Variants in FAM168A observed in about 807,000 individuals in gnomAD.
The protein encoded by FAM168A is protein FAM168A.
Under a neutral mutation model 28.5 loss-of-function variants are expected in FAM168A, and 3 were observed. The ratio of observed to expected loss-of-function variants is 0.11; its 90% CI spans 0.05 to 0.27. The LOEUF (loss-of-function observed/expected upper bound fraction) is 0.27. FAM168A is among the 10% of genes least tolerant of loss of function. The probability of loss-of-function intolerance (pLI) is 1.00; values close to 1 mark genes in which losing one functional copy is unlikely to be tolerated. For synonymous variants in FAM168A, 122 were observed against 124.2 expected (o/e 0.98, Z 0.12); for missense variants, 222 against 311.5 (o/e 0.71, Z 2.16).
At chr11:73,439,247 T>G (rs1346884179) in intron 2 of FAM168A, among the ~76,000 whole-genome samples, 6 of 152,170 alleles carry the variant, frequency 3.9e-5, no homozygotes, top group Non-Finnish European at 8.8e-5. Context: ...GGGTGTGAAC[T>G]ATAATAAATG....
chr11:73,490,700 G>C (rs1404303740), intron 1 of FAM168A, among the ~76,000 whole-genome samples: 3 of 152,188 alleles, frequency 2.0e-5, no homozygotes, highest in Non-Finnish European at 2.9e-5. Context: ...CCTTCTCTGT[G>C]AGACTTTCCT....
intron 1 of FAM168A, among the ~76,000 whole-genome samples, chr11:73,492,749 C>T (rs1039030700): frequency 6.6e-6 from 1 of 152,202 alleles, no homozygotes; most frequent in South Asian, 2.1e-4. Flanking sequence ...TACGGTTTGC[C>T]CTTAGAAGCA....
At chr11:73,580,576 A>G (rs1944230936) in intron 1 of FAM168A, 1 of 519,020 alleles carries the variant, frequency 1.9e-6, no homozygotes, top group Non-Finnish European at 3.6e-6. Flanking sequence ...AGTTTGAAAT[A>G]CTATTTTTAA....
intron 1 of FAM168A, among the ~76,000 whole-genome samples, chr11:73,517,393 C>G (rs528167643): frequency 2.6e-5 from 4 of 152,218 alleles, no homozygotes; most frequent in Non-Finnish European, 4.4e-5. Flanking sequence ...ATTTCCACCC[C>G]CCTTCCCCTC....
chr11:73,564,812 A>C (rs1055323943), intron 1 of FAM168A, among the ~76,000 whole-genome samples: 1 of 151,692 alleles, frequency 6.6e-6, no homozygotes, highest in East Asian at 1.9e-4. Flanking sequence ...TTGCAGAACA[A>C]TGTGGTAAGT....
intron 1 of FAM168A, among the ~76,000 whole-genome samples, chr11:73,482,181 C>CTTTT (rs55882143): frequency 1.5e-4 from 12 of 77,548 alleles, no homozygotes; most frequent in Admixed American, 8.2e-4. Context: ...ATCCAACAGC[C>CTTTT]TTTTTTTTTT....
chr11:73,571,551 A>G (rs1944090142), intron 1 of FAM168A, among the ~76,000 whole-genome samples: 2 of 151,860 alleles, frequency 1.3e-5, no homozygotes. Context: ...CTCAGTGCTC[A>G]ATGGTGCCCA....
intron 3 of FAM168A, chr11:73,430,319 G>GTGT: frequency 3.7e-6 from 1 of 272,162 alleles, no homozygotes; most frequent in South Asian, 3.3e-5. Flanking sequence ...GGGGTGTGTG[G>GTGT]GTGTGTGTGT....
At chr11:73,561,172 C>T (rs1174707071) in intron 1 of FAM168A, among the ~76,000 whole-genome samples, 3 of 151,564 alleles carry the variant, frequency 2.0e-5, no homozygotes, top group African/African-American at 7.3e-5. Context: ...GTCGGGAGTT[C>T]GAGATCAGCC....
At chr11:73,580,829 G>T (rs1253308598) in intron 1 of FAM168A, among the ~76,000 whole-genome samples, 1 of 152,200 alleles carries the variant, frequency 6.6e-6, no homozygotes, top group Admixed American at 6.5e-5. Flanking sequence ...AAGCTTTGTG[G>T]TATGGAAAAA....
chr11:73,514,711 T>C (rs1223439892), intron 1 of FAM168A, among the ~76,000 whole-genome samples: 1 of 152,110 alleles, frequency 6.6e-6, no homozygotes, highest in Non-Finnish European at 1.5e-5. Context: ...TGTGCTCCTG[T>C]AGTCCCAGCT....
At chr11:73,516,900 CAA>C (rs1355889761) in intron 1 of FAM168A, among the ~76,000 whole-genome samples, 1 of 152,134 alleles carries the variant, frequency 6.6e-6, no homozygotes, top group East Asian at 1.9e-4. Flanking sequence ...CAGCAATAAA[CAA>C]AAGAGACATT....
chr11:73,426,601 G>A (rs182564980), intron 3 of FAM168A, among the ~76,000 whole-genome samples: 109 of 152,238 alleles, frequency 7.2e-4, no homozygotes, highest in African/African-American at 2.6e-3. Context: ...ATGGTAGGAA[G>A]TCCCCCAGTC....
At chr11:73,547,224 A>G (rs1482783137) in intron 1 of FAM168A, among the ~76,000 whole-genome samples, 1 of 151,986 alleles carries the variant, frequency 6.6e-6, no homozygotes, top group Non-Finnish European at 1.5e-5. Flanking sequence ...AAAGAAGGAA[A>G]AAAGAAGAAA....
chr11:73,492,485 C>CA (rs1208022018), intron 1 of FAM168A, among the ~76,000 whole-genome samples: 1 of 151,946 alleles, frequency 6.6e-6, no homozygotes, highest in African/African-American at 2.4e-5. Context: ...AAAAAAATTT[C>CA]AAAAAAATTA....
intron 2 of FAM168A, among the ~76,000 whole-genome samples, chr11:73,445,491 C>A (rs867024162): frequency 1.5e-5 from 2 of 131,100 alleles, no homozygotes; most frequent in Non-Finnish European, 3.1e-5. Flanking sequence ...GCTGGTCTCT[C>A]CTGGCTTCAA....
chr11:73,411,339 A>G, intron 5 of FAM168A, 55 bp downstream of exon 5: 1 of 1,535,754 alleles, frequency 6.5e-7, no homozygotes, highest in Non-Finnish European at 8.8e-7. Flanking sequence ...ACCACACTGC[A>G]CCCAGGCTGA....
intron 2 of FAM168A, among the ~76,000 whole-genome samples, chr11:73,433,892 C>A (rs1351928679): frequency 8.0e-6 from 1 of 125,748 alleles, no homozygotes; most frequent in African/African-American, 3.2e-5. Flanking sequence ...TGTCGCCAGG[C>A]TGGAGTGCAG....
chr11:73,486,575 T>A (rs1389652043), intron 1 of FAM168A, among the ~76,000 whole-genome samples: 2 of 152,224 alleles, frequency 1.3e-5, no homozygotes, highest in East Asian at 3.8e-4. Flanking sequence ...CGGATAAAGA[T>A]AATCACAAAC....
Sources: gnomAD v4.1 joint callset for allele counts (sites outside exome capture counted in the v4.1 genomes callset) on GRCh38, gnomAD v4.1.1 for gene constraint, MANE v1.5 for transcripts, NCBI Gene and HGNC (gene_info 2026-07-23, HGNC 2026-07-21) for gene names.